PKP4: variants seen among roughly 807,000 people sequenced by gnomAD.
PKP4 encodes the protein plakophilin-4.
A neutral mutation model predicts 145.1 loss-of-function variants in PKP4; 90 were observed. The observed-to-expected ratio is 0.62, with a 90% CI of 0.52 to 0.74. The LOEUF is 0.74. PKP4 is among the 30% of genes least tolerant of loss of function. PKP4 has a pLI of 0.00. For missense variants in PKP4, 1,340 were observed against 1,482.7 expected (o/e 0.90, Z 1.58); for synonymous variants, 563 against 577.2 (o/e 0.98, Z 0.35).
chr2:158,669,898 C>A lies in PKP4; in HGVS notation c.2907C>A (p.Thr969=). 6.2e-7 allele frequency: 1 copy of A among 1,611,518 alleles called. No homozygotes were observed. The highest frequency in any genetic ancestry group is 1.1e-5 in the South Asian group (1 of 90,680). The change falls in exon 17 of 22, where the codon ACC becomes ACA. Residue 969 remains threonine, a synonymous_variant. Coordinates refer to ENST00000389759, the MANE Select transcript of PKP4 (RefSeq NM_003628.6). ...SGGIEKLVNI[T]KGRGDRSSLK... ...GCATAGAGAAGCTGGTGAACATAAC[C>A]AAAGGCAGGGGCGACAGGCAAGTCT...
rs1251286056 is a variant in PKP4 at position 158,533,193 on chromosome 2, T to C, written c.9T>C (p.Ala3=). The C allele has an allele frequency of 6.2e-7, 1 of 1,612,158 alleles. No individual in the cohort carries two copies. Among genetic ancestry groups the C allele is most frequent in the Non-Finnish European group, 8.5e-7 (1 of 1,179,496 alleles). The change falls in exon 2 of 22, where the codon GCT becomes GCC. Residue 3 remains alanine (A), a synonymous_variant. Transcript: ENST00000389759. ...GCTTGATTGCAGGAGGAATGCCAGCTCCTGAGCAGGCCTCATTGGTGGAGG... is the reference window on the plus strand; with the variant it reads ...GCTTGATTGCAGGAGGAATGCCAGCCCCTGAGCAGGCCTCATTGGTGGAGG... MP[A]PEQASLVEEG... is the part of the protein sequence containing the mutation.
chr2:158,646,450 T>C (rs1386069263), intron 11 of PKP4, among the ~76,000 whole-genome samples: 1 of 152,172 alleles, frequency 6.6e-6, no homozygotes, highest in Admixed American at 6.5e-5. Flanking sequence ...CTAACTAACA[T>C]GAAACAAGTC....
chr2:158,661,295 G>A (rs1328491792), intron 12 of PKP4, 38 bp from the exon 13 acceptor site: 2 of 1,448,816 alleles, frequency 1.4e-6, no homozygotes, highest in East Asian at 4.5e-5. Context: ...TGAGTGCATG[G>A]TTCATCTCAG....
chr2:158,543,803 A>C (rs2044723084), intron 2 of PKP4, among the ~76,000 whole-genome samples: 1 of 152,174 alleles, frequency 6.6e-6, no homozygotes, highest in Non-Finnish European at 1.5e-5. Flanking sequence ...GAGCACTGAG[A>C]GACCAGGGTA....
chr2:158,646,777 C>T (rs747417074), intron 11 of PKP4, among the ~76,000 whole-genome samples: 10 of 152,144 alleles, frequency 6.6e-5, no homozygotes, highest in Admixed American at 1.3e-4. Flanking sequence ...CCATCCAGTG[C>T]ATGAATCTCC....
intron 1 of PKP4, among the ~76,000 whole-genome samples, chr2:158,530,886 C>T (rs755544408): frequency 7.9e-5 from 12 of 152,278 alleles, no homozygotes; most frequent in South Asian, 2.1e-4. Context: ...TGCCAAGCTT[C>T]TCAGCATTAT....
intron 1 of PKP4, among the ~76,000 whole-genome samples, chr2:158,462,604 C>T (rs1465297331): frequency 6.6e-6 from 1 of 152,190 alleles, no homozygotes; most frequent in Non-Finnish European, 1.5e-5. Flanking sequence ...TGCCTCTACC[C>T]TAGTCTGAGA....
Position 158,516,785 on chromosome 2 carries a change from G to A in PKP4, c.-5-16395G>A, listed in dbSNP as rs188367442. On this transcript the variant is annotated intron_variant, in intron 1 of 21. Coordinates refer to ENST00000389759, the MANE Select transcript of PKP4 (RefSeq NM_003628.6). ...AGCGATTCTCCTGCCTCAGCCTCCC[G>A]AGCAGCTGGGGGATTACAGGCACTT... Among the ~76,000 whole-genome samples the A allele has an allele frequency of 2.3e-3, 351 of 150,914 alleles. 2 individuals carry two copies. The highest frequency in any genetic ancestry group is 8.3e-3 in the African/African-American group (340 of 41,056).
At chr2:158,616,961 G>A (rs2051688105) in intron 4 of PKP4, among the ~76,000 whole-genome samples, 1 of 152,100 alleles carries the variant, frequency 6.6e-6, no homozygotes, top group South Asian at 2.1e-4. Context: ...TTATAAAAAA[G>A]ATAAAATATC....
chr2:158,481,125 T>C (rs1367005728), intron 1 of PKP4, among the ~76,000 whole-genome samples: 2 of 152,202 alleles, frequency 1.3e-5, no homozygotes, highest in Non-Finnish European at 2.9e-5. Context: ...GGTCTCACTA[T>C]GTTGCCTAGT....
At chr2:158,548,769 T>A (rs990541369) in intron 2 of PKP4, 3 of 297,578 alleles carry the variant, frequency 1.0e-5, no homozygotes, top group Middle Eastern at 1.2e-3. Flanking sequence ...AAGCAGAGAC[T>A]TGGCCTGGGC....
intron 1 of PKP4, among the ~76,000 whole-genome samples, chr2:158,468,319 C>A (rs1052210252): frequency 6.6e-6 from 1 of 152,056 alleles, no homozygotes; most frequent in South Asian, 2.1e-4. Flanking sequence ...AAAATCAAGT[C>A]TTTTATCTTT....
intron 2 of PKP4, among the ~76,000 whole-genome samples, chr2:158,561,336 G>A (rs1228116371): frequency 6.6e-6 from 1 of 152,170 alleles, no homozygotes; most frequent in Admixed American, 6.5e-5. Context: ...AAAAATCTGT[G>A]ATAAGAAGTT....
intron 6 of PKP4, 151 bp from the exon 7 acceptor site, chr2:158,624,727 G>T: frequency 6.6e-5 from 30 of 457,006 alleles, no homozygotes; most frequent in Non-Finnish European, 9.7e-5. Context: ...AAAAATTAAT[G>T]TCTGGCTCAA....
chr2:158,521,962 A>G (rs550254304), intron 1 of PKP4, among the ~76,000 whole-genome samples: 97 of 152,118 alleles, frequency 6.4e-4, no homozygotes, highest in African/African-American at 2.2e-3. Context: ...TTTAACCTTT[A>G]TTTTTTATTA....
rs2056175580 is a variant in PKP4, at chr2:158,658,112, T to A, written c.1910-19T>A. 1.4e-6 allele frequency: 2 copies of A among 1,458,802 alleles called. No homozygotes were observed. Among genetic ancestry groups the A allele is most frequent in the South Asian group, 2.4e-5 (2 of 83,680 alleles). The allele number at this position is 1,458,802 out of a possible 1,614,324, so 90.4% of individuals were successfully genotyped here. The stretch of plus-strand genomic sequence containing the variant: ...CACAGGATCTCTATTTGTTTGATTT[T>A]TTAAATCTCCTTTTTTAGGAGTTCT... On this transcript the variant is annotated intron_variant, in intron 11 of 21. Transcript: ENST00000389759.
Position 158,625,300 on chromosome 2 carries a change from G to C in PKP4, c.1026G>C (p.Gly342=). The change falls in exon 7 of 22, where the codon GGG becomes GGC. Residue 342 remains glycine, a synonymous_variant. Transcript: ENST00000389759. Reference sequence around the variant, plus strand: ...GGTCGTCGTCCCCCAAACGCTCAGGGATGACCGCCGTACCACAGCATCTGG... The same window carrying C: ...GGTCGTCGTCCCCCAAACGCTCAGGCATGACCGCCGTACCACAGCATCTGG... ...QVGSSSPKRS[G]MTAVPQHLGP... 6.2e-7 allele frequency: 1 copy of C among 1,614,194 alleles called. No homozygotes were observed. Among genetic ancestry groups the C allele is most frequent in the South Asian group, 1.1e-5 (1 of 91,078 alleles).
intron 2 of PKP4, among the ~76,000 whole-genome samples, chr2:158,555,021 A>G (rs1049945383): frequency 3.3e-5 from 5 of 152,222 alleles, no homozygotes; most frequent in Non-Finnish European, 5.9e-5. Flanking sequence ...CAAAGAATAT[A>G]TCTCTTCTTA....
intron 1 of PKP4, among the ~76,000 whole-genome samples, chr2:158,488,632 C>T (rs1694513168): frequency 6.6e-6 from 1 of 152,152 alleles, no homozygotes; most frequent in African/African-American, 2.4e-5. Context: ...CTCCAGTGAT[C>T]CCACCTCCTG....
Sources: allele counts gnomAD v4.1 joint callset (sites outside exome capture counted in the v4.1 genomes callset), GRCh38; gene constraint gnomAD v4.1.1; transcripts MANE v1.5; gene names NCBI Gene and HGNC (gene_info 2026-07-23, HGNC 2026-07-21).